The following PCDH9 variants were observed in gnomAD, a reference collection of about 807,000 sequenced individuals.
PCDH9 encodes the protein protocadherin-9.
Under a neutral mutation model 70.6 loss-of-function variants are expected in PCDH9, and 24 were observed. That is an observed-to-expected ratio of 0.34 (90% CI 0.25 to 0.48). The LOEUF is 0.48. PCDH9 is among the 20% of genes least tolerant of loss of function. The probability of loss-of-function intolerance (pLI) is 0.99; values close to 1 mark genes in which losing one functional copy is unlikely to be tolerated. For missense variants in PCDH9, 1,281 were observed against 1,503.6 expected (o/e 0.85, Z 2.45); for synonymous variants, 562 against 558.5 (o/e 1.01, Z -0.09).
At chr13:67,020,501 C>T (rs761903729) in intron 2 of PCDH9, among the ~76,000 whole-genome samples, 12 of 151,990 alleles carry the variant, frequency 7.9e-5, no homozygotes, top group Non-Finnish European at 1.6e-4. Flanking sequence ...AGAATTCCCA[C>T]GTTAGAAGAC....
chr13:66,817,816 C>T (rs372856770), intron 3 of PCDH9, among the ~76,000 whole-genome samples: 1 of 152,026 alleles, frequency 6.6e-6, no homozygotes, highest in East Asian at 1.9e-4. Flanking sequence ...TTTGTAGAGA[C>T]AGGGTTTCAT....
chr13:67,134,881 A>G (rs1376596364), intron 2 of PCDH9, among the ~76,000 whole-genome samples: 2 of 152,104 alleles, frequency 1.3e-5, no homozygotes, highest in Non-Finnish European at 2.9e-5. Context: ...TGATTATTTA[A>G]AAAGATAAAG....
chr13:67,203,382 C>T (rs1272924494), intron 2 of PCDH9: 1 of 152,038 alleles, frequency 6.6e-6, no homozygotes, highest in East Asian at 1.9e-4. Flanking sequence ...ACCTTAAATA[C>T]AGCATACTTA....
chr13:66,385,754 T>C (rs746967954), intron 4 of PCDH9, among the ~76,000 whole-genome samples: 33 of 152,326 alleles, frequency 2.2e-4, no homozygotes, highest in Non-Finnish European at 3.5e-4. Context: ...ACTGTCATTG[T>C]AATAAGAGTT....
intron 2 of PCDH9, among the ~76,000 whole-genome samples, chr13:67,102,493 C>G (rs987360231): frequency 1.3e-5 from 2 of 151,742 alleles, no homozygotes; most frequent in Non-Finnish European, 2.9e-5. Context: ...TAACAAAAGT[C>G]AAAAGGTGCT....
intron 4 of PCDH9, among the ~76,000 whole-genome samples, chr13:66,366,712 T>C (rs1382526737): frequency 3.3e-5 from 5 of 152,102 alleles, no homozygotes; most frequent in African/African-American, 1.2e-4. Flanking sequence ...GGTAAATGTG[T>C]ACAGAGCTCC....
At chr13:67,126,848 C>CAAAAT (rs1037234120) in intron 2 of PCDH9, among the ~76,000 whole-genome samples, 5 of 151,906 alleles carry the variant, frequency 3.3e-5, no homozygotes, top group South Asian at 4.1e-4. Flanking sequence ...GACTCCATCT[C>CAAAAT]AAAATAAAAT....
At chr13:66,650,020 A>C (rs1479074816) in intron 3 of PCDH9, among the ~76,000 whole-genome samples, 1 of 151,952 alleles carries the variant, frequency 6.6e-6, no homozygotes, top group African/African-American at 2.4e-5. Flanking sequence ...GAATTCAAAC[A>C]TACCACCATA....
chr13:67,188,107 TTA>T (rs2088808579), intron 2 of PCDH9, among the ~76,000 whole-genome samples: 1 of 152,046 alleles, frequency 6.6e-6, no homozygotes, highest in Admixed American at 6.6e-5. Flanking sequence ...ATAAGACAAT[TTA>T]TATGTTACAG....
chr13:67,160,097 T>A (rs1275402967), intron 2 of PCDH9, among the ~76,000 whole-genome samples: 1 of 152,226 alleles, frequency 6.6e-6, no homozygotes, highest in African/African-American at 2.4e-5. Flanking sequence ...CTCCTCTGAA[T>A]TTTTGTGATT....
intron 4 of PCDH9, among the ~76,000 whole-genome samples, chr13:66,314,525 T>C (rs1955616871): frequency 6.6e-6 from 1 of 152,216 alleles, no homozygotes; most frequent in South Asian, 2.1e-4. Context: ...CACTTGGTCT[T>C]ACACAACATA....
chr13:66,850,212 C>G (rs987986067), intron 3 of PCDH9, among the ~76,000 whole-genome samples: 17 of 152,176 alleles, frequency 1.1e-4, no homozygotes, highest in Non-Finnish European at 1.9e-4. Flanking sequence ...TGGTAAGGTA[C>G]AACTATCAGA....
At chr13:67,030,071 C>T (rs2139882207) in intron 2 of PCDH9, among the ~76,000 whole-genome samples, 1 of 152,150 alleles carries the variant, frequency 6.6e-6, no homozygotes, top group African/African-American at 2.4e-5. Flanking sequence ...TGCTCTGGAG[C>T]TATAGCTTTA....
At chr13:66,540,091 G>T (rs944860766) in intron 4 of PCDH9, among the ~76,000 whole-genome samples, 1 of 151,764 alleles carries the variant, frequency 6.6e-6, no homozygotes, top group African/African-American at 2.4e-5. Flanking sequence ...GCCCAGGCTG[G>T]TCTTGAACTC....
At chr13:66,732,915 G>A (rs9540881) in intron 3 of PCDH9, among the ~76,000 whole-genome samples, 134,641 of 151,870 alleles carry the variant, frequency 0.89, 61,929 homozygotes, top group Non-Finnish European at 1. Context: ...CTTTACACCA[G>A]CTTGGACATA....
chr13:66,780,314 C>T (rs2079978041), intron 3 of PCDH9, among the ~76,000 whole-genome samples: 1 of 151,952 alleles, frequency 6.6e-6, no homozygotes, highest in Non-Finnish European at 1.5e-5. Context: ...AAAATATTTC[C>T]AAAGACATGG....
intron 4 of PCDH9, among the ~76,000 whole-genome samples, chr13:66,308,928 C>T (rs186362160): frequency 6.6e-6 from 1 of 152,122 alleles, no homozygotes; most frequent in East Asian, 1.9e-4. Flanking sequence ...AACCTATATA[C>T]ATCAATCAAT....
intron 2 of PCDH9, among the ~76,000 whole-genome samples, chr13:67,167,428 T>C (rs1364113111): frequency 6.6e-6 from 1 of 152,204 alleles, no homozygotes; most frequent in East Asian, 1.9e-4. Flanking sequence ...ATAAGGACTA[T>C]ATCATATAAC....
intron 4 of PCDH9, 112 bp downstream of exon 4, chr13:66,631,098 G>A (rs918274348): frequency 1.5e-6 from 1 of 656,894 alleles, no homozygotes; most frequent in African/African-American, 1.8e-5. Context: ...AATAAAGCCA[G>A]CAAAAAAATA....
Sources: allele counts gnomAD v4.1 joint callset (sites outside exome capture counted in the v4.1 genomes callset), GRCh38; gene constraint gnomAD v4.1.1; transcripts MANE v1.5; gene names NCBI Gene and HGNC (gene_info 2026-07-23, HGNC 2026-07-21).